Variants in CPXM2 observed in about 807,000 individuals in gnomAD.
CPXM2 encodes the protein inactive carboxypeptidase-like protein X2.
A neutral mutation model predicts 86.1 loss-of-function variants in CPXM2; 66 were observed. That is an observed-to-expected ratio of 0.77 (90% CI 0.63 to 0.94). CPXM2 has a LOEUF of 0.94. CPXM2 is among the 40% of genes least tolerant of loss of function. The probability of loss-of-function intolerance (pLI) is 0.00; values close to 1 mark genes in which losing one functional copy is unlikely to be tolerated. For missense variants in CPXM2, 948 were observed against 1,026.3 expected (o/e 0.92, Z 1.04); for synonymous variants, 388 against 400.2 (o/e 0.97, Z 0.36).
At chr10:123,797,506 T>C (rs550031872) in intron 6 of CPXM2, among the ~76,000 whole-genome samples, 7 of 152,370 alleles carry the variant, frequency 4.6e-5, no homozygotes, top group South Asian at 2.1e-4. Flanking sequence ...GGTTCACTTA[T>C]GTTTTCTAAA....
At position 123,880,245 on chromosome 10, in the gene CPXM2, G is replaced by A. The variant is rs1945060903; in HGVS notation, c.369C>T (p.His123=). Residue 123 remains histidine (H), a synonymous_variant, in exon 2 of 14, where the codon CAC becomes CAT. Transcript: ENST00000241305. ...KSSEKAANDD[H]SVRVAREDVR... ...CATCTTCACGGGCCACACGGACACT[G>A]TGATCATCGTTGGCAGCCTTCTCAG... The A allele has an allele frequency of 4.5e-6, 7 of 1,567,054 alleles. No homozygotes were observed. The highest frequency in any genetic ancestry group is 6.1e-6 in the Non-Finnish European group (7 of 1,148,942).
At chr10:123,852,469 G>A (rs951317184) in intron 3 of CPXM2, among the ~76,000 whole-genome samples, 18 of 152,194 alleles carry the variant, frequency 1.2e-4, no homozygotes, top group Admixed American at 2.6e-4. Flanking sequence ...TCTAGGGCCT[G>A]AAGTCACCGC....
intron 2 of CPXM2, among the ~76,000 whole-genome samples, chr10:123,911,755 C>G (rs1210979285): frequency 6.6e-6 from 1 of 151,974 alleles, no homozygotes; most frequent in Non-Finnish European, 1.5e-5. Flanking sequence ...TCTGTGGGCT[C>G]TGATTACAGG....
At chr10:123,804,960 T>A (rs1158104631) in intron 4 of CPXM2, among the ~76,000 whole-genome samples, 1 of 152,154 alleles carries the variant, frequency 6.6e-6, no homozygotes, top group Non-Finnish European at 1.5e-5. Context: ...GAACTCAGTT[T>A]TCATACTCAT....
At chr10:123,827,673 C>G (rs956134098) in intron 4 of CPXM2, among the ~76,000 whole-genome samples, 4 of 152,146 alleles carry the variant, frequency 2.6e-5, no homozygotes, top group Non-Finnish European at 5.9e-5. Context: ...CAATTCCTAC[C>G]AAGTTCCTAG....
At chr10:123,938,730 C>T (rs1016517180) in intron 2 of CPXM2, among the ~76,000 whole-genome samples, 1 of 152,206 alleles carries the variant, frequency 6.6e-6, no homozygotes, top group Non-Finnish European at 1.5e-5. Flanking sequence ...TGCAGATACT[C>T]AGGGCCACCC....
chr10:123,905,076 G>T (rs1023370118), intron 2 of CPXM2, among the ~76,000 whole-genome samples: 1 of 152,214 alleles, frequency 6.6e-6, no homozygotes, highest in Non-Finnish European at 1.5e-5. Context: ...GTTACCAGGC[G>T]CTTGCATTCC....
intron 2 of CPXM2, chr10:123,914,052 A>T (rs1945514066): frequency 2.0e-6 from 1 of 493,362 alleles, no homozygotes. Flanking sequence ...AGTCAGTGTC[A>T]TTTGGTGGCT....
At chr10:123,769,999 C>T (rs150558175) in intron 8 of CPXM2, among the ~76,000 whole-genome samples, 135 of 152,306 alleles carry the variant, frequency 8.9e-4, no homozygotes, top group African/African-American at 2.9e-3. Context: ...TCCTGCTGGG[C>T]GTGGTGCCTC....
chr10:123,941,020 G>A (rs985794120), upstream of CPXM2, among the ~76,000 whole-genome samples: 4 of 151,882 alleles, frequency 2.6e-5, no homozygotes, highest in African/African-American at 9.7e-5. Flanking sequence ...AAATACAAAA[G>A]ATTAGCAGGG....
chr10:123,919,167 G>C (rs568893195), intron 2 of CPXM2, among the ~76,000 whole-genome samples: 1 of 152,152 alleles, frequency 6.6e-6, no homozygotes. Flanking sequence ...CTGGACCCTG[G>C]GTGGTCCCCA....
rs761120564 is a variant in CPXM2 at position 123,762,051 on chromosome 10, G to A, written c.1598C>T (p.Pro533Leu). 13 of 1,613,888 alleles carry A rather than the reference G, an allele frequency of 8.1e-6. No individual in the cohort carries two copies. Among genetic ancestry groups the A allele is most frequent in the Middle Eastern group, 1.6e-4 (1 of 6,082 alleles). ...VAYPYDLVRS[P>L]WKTQEHTPTP... is the part of the protein sequence containing the mutation. The stretch of plus-strand genomic sequence containing the variant: ...GGGGGTGTGTTCCTGCGTCTTCCAG[G>A]GGGACCGCACCAGGTCGTAGGGGTA... The change falls in exon 11 of 14, where the codon CCC becomes CTC. Residue 533 changes from proline to leucine, a missense_variant. Pro to Leu is a moderately conservative substitution (Grantham distance 98). Transcript: ENST00000241305.
At chr10:123,898,456 C>A (rs1325583047) in intron 2 of CPXM2, among the ~76,000 whole-genome samples, 1 of 144,216 alleles carries the variant, frequency 6.9e-6, no homozygotes, top group East Asian at 1.9e-4. Flanking sequence ...CACAGTGAGA[C>A]CTTATCTCAA....
upstream of CPXM2, among the ~76,000 whole-genome samples, chr10:123,894,282 G>T (rs925372791): frequency 6.6e-6 from 1 of 152,154 alleles, no homozygotes; most frequent in Non-Finnish European, 1.5e-5. Context: ...GCAGTGTCTG[G>T]TAAGTGTCCA....
rs1845973372 is a variant in CPXM2, at chr10:123,746,489, T to C, written c.*275A>G. The C allele has an allele frequency of 2.1e-6, 1 of 481,564 alleles. No individual in the cohort carries two copies. The highest frequency in any genetic ancestry group is 3.1e-5 in the South Asian group (1 of 32,750). The allele number at this position is 481,564 out of a possible 1,614,324, so 29.8% of individuals were successfully genotyped here. On this transcript the variant is annotated 3_prime_UTR_variant, in exon 14 of 14. Coordinates refer to ENST00000241305, the MANE Select transcript of CPXM2 (RefSeq NM_198148.3). Reference sequence around the variant, plus strand: ...GGACAGGCTCCCCTCCTTCTCCTTCTCTCTCTGATTCCCAGGTTGGCTTGC... The same window carrying C: ...GGACAGGCTCCCCTCCTTCTCCTTCCCTCTCTGATTCCCAGGTTGGCTTGC...
intron 7 of CPXM2, among the ~76,000 whole-genome samples, chr10:123,773,548 A>C (rs982450026): frequency 6.6e-6 from 1 of 152,176 alleles, no homozygotes; most frequent in Admixed American, 6.5e-5. Context: ...GACCAAATAC[A>C]TGTATCTTAA....
intron 6 of CPXM2, among the ~76,000 whole-genome samples, chr10:123,788,734 A>G (rs945980234): frequency 3.9e-5 from 6 of 152,334 alleles, no homozygotes; most frequent in Middle Eastern, 3.4e-3. Context: ...CTTCACTGTC[A>G]GGTTCAGGGA....
intron 6 of CPXM2, among the ~76,000 whole-genome samples, chr10:123,783,791 C>G (rs552773368): frequency 6.6e-6 from 1 of 152,264 alleles, no homozygotes; most frequent in African/African-American, 2.4e-5. Context: ...CTGATCCAGT[C>G]TATGGGGGCT....
At position 123,754,734 on chromosome 10, in the gene CPXM2, C is replaced by T; in HGVS notation, c.1946G>A (p.Arg649Lys). ...TGGGATTCCTTTTCCATGTGAATCT[C>T]TCACCAAGCCTTTAATGCCACGATG... The part of the protein sequence containing the change: ...QVHRGIKGLV[R>K]DSHGKGIPNA... Residue 649 changes from arginine (R) to lysine (K), a missense_variant, in exon 13 of 14, where the codon AGA (arginine) becomes AAA (lysine). Physicochemically the swap from Arg to Lys is conservative, Grantham distance 26 (BLOSUM62 2). Transcript: ENST00000241305. The surrounding 1 kb of genome is among the most constrained non-coding windows in gnomAD (Gnocchi z 4.0). The T allele has an allele frequency of 6.2e-7, 1 of 1,610,568 alleles. No individual in the cohort carries two copies. Among genetic ancestry groups the T allele is most frequent in the South Asian group, 1.1e-5 (1 of 90,998 alleles).
Sources: gnomAD v4.1 joint callset for allele counts (sites outside exome capture counted in the v4.1 genomes callset) on GRCh38, gnomAD v4.1.1 for gene constraint, Gnocchi (gnomAD v3.1) non-coding constraint, MANE v1.5 for transcripts, NCBI Gene and HGNC (gene_info 2026-07-23, HGNC 2026-07-21) for gene names.